TPRG1: variants seen among roughly 807,000 people sequenced by gnomAD.
The protein encoded by TPRG1 is tumor protein p63-regulated gene 1 protein.
In TPRG1, 29 loss-of-function variants were observed where a neutral mutation model predicts 29.3. The observed-to-expected ratio is 0.99, with a 90% CI of 0.74 to 1.35. The LOEUF is 1.35. TPRG1 is among the 40% of genes most tolerant of loss of function. The pLI is 0.00. For missense variants in TPRG1, 327 were observed against 335.0 expected, an observed-to-expected ratio of 0.98 and a Z score of 0.19; for synonymous variants, 130 against 116.8, an observed-to-expected ratio of 1.11 and a Z score of -0.73.
At chr3:189,047,039 CT>C (rs1189215657) in intron 4 of TPRG1, among the ~76,000 whole-genome samples, 3 of 151,994 alleles carry the variant, frequency 2.0e-5, no homozygotes, top group African/African-American at 4.8e-5. Context: ...AGCAGCTTTA[CT>C]TTTTTTTCTG....
chr3:189,036,702 A>G (rs1267446511), intron 4 of TPRG1, among the ~76,000 whole-genome samples: 3 of 152,074 alleles, frequency 2.0e-5, no homozygotes, highest in African/African-American at 4.8e-5. Context: ...ATATACAGGT[A>G]TCTGGTAACA....
At position 189,037,541 on chromosome 3, in the gene TPRG1, G is replaced by T. The variant is rs536558218; in HGVS notation, c.-463+13595G>T. 5.3e-5 allele frequency among the ~76,000 whole-genome samples: 8 copies of T among 151,862 alleles called. No homozygotes were observed. In the East Asian group the frequency reaches 1.5e-3, roughly 29 times the overall value. On this transcript the variant is annotated intron_variant, in intron 4 of 10. Coordinates refer to the TPRG1 transcript ENST00000433971. Reference sequence around the variant, plus strand: ...CTTTCAGTAAGTATTTTTTAAAGAAGAAACTTAAGGTATATTTAATATTAG... The same window carrying T: ...CTTTCAGTAAGTATTTTTTAAAGAATAAACTTAAGGTATATTTAATATTAG...
intron 4 of TPRG1, among the ~76,000 whole-genome samples, chr3:189,047,611 C>T (rs573156091): frequency 7.9e-5 from 12 of 152,316 alleles, no homozygotes; most frequent in African/African-American, 2.9e-4. Context: ...TGCTGTTTGA[C>T]AGCATTTTTC....
At chr3:189,160,163 A>C (rs6444356) in intron 5 of TPRG1, among the ~76,000 whole-genome samples, 10,358 of 152,168 alleles carry the variant, frequency 0.068, 932 homozygotes, top group African/African-American at 0.2. Flanking sequence ...CTCTGGGAGA[A>C]TGGGTCATGA....
chr3:189,196,995 CAT>C (rs1560538806), intron 1 of TPRG1, among the ~76,000 whole-genome samples: 1 of 152,152 alleles, frequency 6.6e-6, no homozygotes, highest in Non-Finnish European at 1.5e-5. Flanking sequence ...CAGGCAAGAA[CAT>C]GTGGTTGTGG....
At chr3:189,200,398 A>T (rs1247599940) in intron 1 of TPRG1, among the ~76,000 whole-genome samples, 2 of 152,222 alleles carry the variant, frequency 1.3e-5, no homozygotes, top group East Asian at 3.9e-4. Context: ...GACTCACGGA[A>T]GCCTGCACAC....
At chr3:189,011,264 T>C (rs1003151420) in intron 3 of TPRG1, among the ~76,000 whole-genome samples, 1 of 152,184 alleles carries the variant, frequency 6.6e-6, no homozygotes, top group Non-Finnish European at 1.5e-5. Context: ...TTGTTCCATA[T>C]GAATTTTAAA....
intron 1 of TPRG1, among the ~76,000 whole-genome samples, chr3:189,110,884 C>T (rs1293741681): frequency 1.3e-5 from 2 of 151,426 alleles, no homozygotes; most frequent in African/African-American, 4.8e-5. Context: ...TGTGGATCTG[C>T]TTTTGGAGTC....
At chr3:189,165,061 A>T (rs772778322) in intron 5 of TPRG1, among the ~76,000 whole-genome samples, 8 of 152,166 alleles carry the variant, frequency 5.3e-5, no homozygotes, top group Non-Finnish European at 1.2e-4. Flanking sequence ...ACTGTTGTTA[A>T]GCAAGAACCT....
intron 5 of TPRG1, among the ~76,000 whole-genome samples, chr3:189,312,677 A>G (rs977934302): frequency 6.6e-6 from 1 of 152,210 alleles, no homozygotes; most frequent in Non-Finnish European, 1.5e-5. Flanking sequence ...ACATTCTAAC[A>G]TCTGATTGTG....
chr3:189,019,662 A>G (rs1386638993), intron 3 of TPRG1, among the ~76,000 whole-genome samples: 12 of 152,170 alleles, frequency 7.9e-5, no homozygotes, highest in East Asian at 1.9e-4. Flanking sequence ...TTTTGCATCA[A>G]TGTTCATCAA....
chr3:189,115,015 C>G (rs1323701641), intron 1 of TPRG1, among the ~76,000 whole-genome samples: 1 of 152,140 alleles, frequency 6.6e-6, no homozygotes, highest in African/African-American at 2.4e-5. Flanking sequence ...GAAGAGGGCA[C>G]TTATCCTTGT....
chr3:189,159,216 T>C (rs966311488), intron 5 of TPRG1, among the ~76,000 whole-genome samples: 5 of 152,186 alleles, frequency 3.3e-5, no homozygotes, highest in Non-Finnish European at 5.9e-5. Flanking sequence ...GTTTGAGCCA[T>C]ACACATAAAA....
intron 1 of TPRG1, among the ~76,000 whole-genome samples, chr3:189,123,281 A>T (rs1722046606): frequency 6.6e-6 from 1 of 152,222 alleles, no homozygotes; most frequent in South Asian, 2.1e-4. Context: ...ACATCAGTAC[A>T]TGTTCCCTTT....
intron 1 of TPRG1, among the ~76,000 whole-genome samples, chr3:189,177,592 C>A (rs1056156569): frequency 1.3e-5 from 2 of 151,422 alleles, no homozygotes; most frequent in Non-Finnish European, 2.9e-5. Flanking sequence ...GAGTTAGTAT[C>A]GATAGAAAAG....
rs1345702659 is a variant in TPRG1 at position 189,239,388 on chromosome 3, CAT to C, written c.479+480_479+481del. Among the ~76,000 whole-genome samples, 3 of 152,294 alleles carry C rather than the reference CAT, an allele frequency of 2.0e-5. No individual in the cohort carries two copies. In the East Asian group the frequency reaches 5.8e-4, roughly 29 times the overall value. Reference sequence around the variant, plus strand: ...CTCCCCCTGGTTCCCTCCCACAACACATGTGAATTCTGGGAGATACAATTCAG... The same window carrying C: ...CTCCCCCTGGTTCCCTCCCACAACACGTGAATTCTGGGAGATACAATTCAG... On this transcript the variant is annotated intron_variant, in intron 4 of 5. Coordinates refer to ENST00000345063, the MANE Select transcript of TPRG1 (RefSeq NM_198485.4).
At chr3:189,220,791 G>A (rs1209982103) in intron 3 of TPRG1, among the ~76,000 whole-genome samples, 2 of 152,114 alleles carry the variant, frequency 1.3e-5, no homozygotes, top group East Asian at 3.8e-4. Flanking sequence ...TTTTATGTCT[G>A]CATAGTATTC....
intron 4 of TPRG1, among the ~76,000 whole-genome samples, chr3:189,086,470 C>T (rs892363316): frequency 6.6e-6 from 1 of 152,036 alleles, no homozygotes; most frequent in African/African-American, 2.4e-5. Flanking sequence ...GCAATCCTCC[C>T]TCCTCAGCCT....
intron 4 of TPRG1, among the ~76,000 whole-genome samples, chr3:189,303,286 A>C (rs1721118187): frequency 6.6e-6 from 1 of 152,216 alleles, no homozygotes; most frequent in South Asian, 2.1e-4. Context: ...TGTAAGTTTG[A>C]GAATGACTTT....
Sources: gnomAD v4.1 joint callset for allele counts (sites outside exome capture counted in the v4.1 genomes callset) on GRCh38, gnomAD v4.1.1 for gene constraint, MANE v1.5 for transcripts, NCBI Gene and HGNC (gene_info 2026-07-23, HGNC 2026-07-21) for gene names.